The following TASOR variants were observed in gnomAD, a reference collection of about 807,000 sequenced individuals.
TASOR encodes protein TASOR.
A neutral mutation model predicts 178.6 loss-of-function variants in TASOR; 53 were observed. The observed-to-expected ratio is 0.30, with a 90% CI of 0.24 to 0.37. The LOEUF (loss-of-function observed/expected upper bound fraction) is 0.37, where lower values mean the gene tolerates loss of function less well. Among genes scored for constraint, TASOR ranks in the 10% least tolerant of loss-of-function variants. The pLI is 1.00. For synonymous variants in TASOR, 713 were observed against 696.2 expected (o/e 1.02, Z -0.38); for missense variants, 1,815 against 1,971.4 (o/e 0.92, Z 1.50).
chr3:56,623,048 G>C lies in TASOR; in HGVS notation c.5002C>G (p.Gln1668Glu), dbSNP rs1160744946. 1.9e-6 allele frequency: 3 copies of C among 1,540,954 alleles called. No homozygotes were observed. In the East Asian group the frequency reaches 6.9e-5, roughly 35 times the overall value. The stretch of plus-strand genomic sequence containing the variant: ...AAAAGTTACTACAGTTATTTCTCTT[G>C]TGAATATGGCCTGGAAGAATCACTT... ...GKSDSSRPYS[Q>E]EK The change falls in exon 24 of 24, where the codon CAA becomes GAA. Residue 1668 changes from glutamine to glutamate, a missense_variant. Coordinates refer to ENST00000683822, the MANE Select transcript of TASOR (RefSeq NM_001365635.2).
intron 1 of TASOR, among the ~76,000 whole-genome samples, chr3:56,674,083 ATG>A (rs1358279503): frequency 1.6e-4 from 24 of 151,814 alleles, no homozygotes; most frequent in African/African-American, 5.8e-4. Flanking sequence ...ACACTGAAGT[ATG>A]TCTCAGACTG....
At chr3:56,678,267 C>T (rs1043050710) in intron 1 of TASOR, among the ~76,000 whole-genome samples, 3 of 144,868 alleles carry the variant, frequency 2.1e-5, no homozygotes, top group Non-Finnish European at 4.5e-5. Context: ...CTGCAACTTC[C>T]ACCTCCTGGG....
At chr3:56,640,167 C>A (rs1324705049) in intron 15 of TASOR, 37 bp from the exon 16 acceptor site, 1 of 1,567,466 alleles carries the variant, frequency 6.4e-7, no homozygotes, top group Non-Finnish European at 8.7e-7. Context: ...GCTTTATTTC[C>A]AATTCATTTT....
In TASOR at chr3:56,635,419, T is replaced by G. The variant is rs2076996050; in HGVS notation, c.2825-1453A>C. ...TAAATCTCCAACATTAAAATGTGCT[T>G]TAGTACACATAAAGTGTCTGGAAGG... On this transcript the variant is annotated intron_variant, in intron 17 of 23. Transcript: ENST00000683822. Among the ~76,000 whole-genome samples, 4 of 152,176 alleles carry G rather than the reference T, an allele frequency of 2.6e-5. No homozygotes were observed. In the South Asian group the frequency reaches 8.3e-4, roughly 32 times the overall value.
At chr3:56,625,263 CTAAATAA>C (rs1380032864) in intron 21 of TASOR, among the ~76,000 whole-genome samples, 9 of 152,200 alleles carry the variant, frequency 5.9e-5, no homozygotes, top group African/African-American at 2.2e-4. Context: ...ATTCTACTTA[CTAAATAA>C]TAAATTATGA....
chr3:56,675,002 T>C (rs945570807), intron 1 of TASOR, among the ~76,000 whole-genome samples: 13 of 151,950 alleles, frequency 8.6e-5, no homozygotes, highest in African/African-American at 2.4e-4. Context: ...TGTGTGTGTG[T>C]TTTTAGTAGA....
intron 4 of TASOR, 41 bp downstream of exon 4, chr3:56,670,032 C>A: frequency 7.8e-7 from 1 of 1,276,750 alleles, no homozygotes; most frequent in South Asian, 1.4e-5. Context: ...TAGACAGCAA[C>A]TTAGTAGTAG....
chr3:56,626,212 C>CGTAA (rs2076796074), intron 21 of TASOR, among the ~76,000 whole-genome samples: 1 of 152,104 alleles, frequency 6.6e-6, no homozygotes, highest in Non-Finnish European at 1.5e-5. Context: ...TGCCTGATTA[C>CGTAA]CATAATCATT....
chr3:56,641,899 T>A (rs1359253697), intron 14 of TASOR, 147 bp from the exon 15 acceptor site: 6 of 762,744 alleles, frequency 7.9e-6, no homozygotes, highest in Non-Finnish European at 1.2e-5. Flanking sequence ...TTCGCATCAC[T>A]TTACAAAAAG....
intron 18 of TASOR, among the ~76,000 whole-genome samples, chr3:56,631,204 G>A (rs562132202): frequency 2.0e-5 from 3 of 152,232 alleles, no homozygotes; most frequent in South Asian, 4.1e-4. Context: ...ACAGTACTCT[G>A]ACTCATGTAA....
chr3:56,682,246 C>T (rs1485610956), intron 1 of TASOR, among the ~76,000 whole-genome samples: 3 of 152,196 alleles, frequency 2.0e-5, no homozygotes, highest in Non-Finnish European at 2.9e-5. Flanking sequence ...GGGAGAAGCA[C>T]TCATGGTCCT....
In TASOR at chr3:56,633,923, C is replaced by T; in HGVS notation, c.2868G>A (p.Gln956=). 1 of 1,559,650 alleles carries T rather than the reference C, an allele frequency of 6.4e-7. No homozygotes were observed. ...CCCGGGGGTCGTTAGGAAAGGCCTC[C>T]TGTGGTGGCACACACACCAGTTGTT... is the stretch of plus-strand genomic sequence containing the variant. ...PEEQLVCVPP[Q]EAFPNDPRVI... The change falls in exon 18 of 24, where the codon CAG becomes CAA. Residue 956 remains glutamine (Q), a synonymous_variant. Transcript: ENST00000683822.
In TASOR at chr3:56,624,821, T is replaced by C. The variant is rs1169625778; in HGVS notation, c.4318+7A>G. On this transcript the variant is annotated splice_region_variant and intron_variant, in intron 22 of 23. Transcript: ENST00000683822. ...CATAGTAGAAAGCTTAGGAGTGCTC[T>C]CTTTACCTGTTAAAAAGACTATGTG... is the stretch of plus-strand genomic sequence containing the variant. 1.2e-6 allele frequency: 2 copies of C among 1,613,792 alleles called. No homozygotes were observed. The highest frequency in any genetic ancestry group is 2.2e-5 in the East Asian group (1 of 44,888).
chr3:56,635,986 C>A (rs958234790), intron 17 of TASOR, among the ~76,000 whole-genome samples: 1 of 152,156 alleles, frequency 6.6e-6, no homozygotes, highest in African/African-American at 2.4e-5. Flanking sequence ...TTATTTTGCA[C>A]AAATTTCCCT....
At chr3:56,647,572 T>A (rs541014458) in intron 13 of TASOR, among the ~76,000 whole-genome samples, 2 of 152,258 alleles carry the variant, frequency 1.3e-5, no homozygotes, top group South Asian at 2.1e-4. Context: ...CAGAACAAGA[T>A]CTGAGGCTCC....
At chr3:56,676,121 A>G (rs1466160584) in intron 1 of TASOR, among the ~76,000 whole-genome samples, 2 of 151,292 alleles carry the variant, frequency 1.3e-5, no homozygotes. Context: ...TATGCTCGGT[A>G]ACCTATTGAT....
In TASOR at chr3:56,661,008, T is replaced by C. The variant is rs1161139451; in HGVS notation, c.1170A>G (p.Lys390=). The C allele has an allele frequency of 6.3e-7, 1 of 1,599,342 alleles. No individual in the cohort carries two copies. The highest frequency in any genetic ancestry group is 1.3e-5 in the African/African-American group (1 of 74,724). Residue 390 remains lysine, a synonymous_variant, in exon 10 of 24, where the codon AAA becomes AAG. Coordinates refer to ENST00000683822, the MANE Select transcript of TASOR (RefSeq NM_001365635.2). ...TACTCATAACTGTTTCAACATCTAA[T>C]TTCTCAGGTCTGAAAGAAAATTTTA... ...RAFLPIKLPE[K]LDVETVMSID... is the part of the protein sequence containing the mutation.
At chr3:56,650,063 G>C (rs1052534807) in intron 11 of TASOR, among the ~76,000 whole-genome samples, 14 of 152,268 alleles carry the variant, frequency 9.2e-5, no homozygotes, top group Non-Finnish European at 1.3e-4. Flanking sequence ...CACAGTGCAG[G>C]ACGCAGAAAA....
chr3:56,681,810 A>G (rs2107650021), intron 1 of TASOR, among the ~76,000 whole-genome samples: 1 of 152,350 alleles, frequency 6.6e-6, no homozygotes, highest in South Asian at 2.1e-4. Flanking sequence ...CATATTAACA[A>G]TATGGCATTA....
Sources: gnomAD v4.1 joint callset for allele counts (sites outside exome capture counted in the v4.1 genomes callset) on GRCh38, gnomAD v4.1.1 for gene constraint, MANE v1.5 for transcripts, NCBI Gene and HGNC (gene_info 2026-07-23, HGNC 2026-07-21) for gene names.